Variants in HAO1 observed in about 807,000 individuals in gnomAD.
HAO1 encodes hydroxyacid oxidase 1.
A neutral mutation model predicts 39.7 loss-of-function variants in HAO1; 34 were observed. That is an observed-to-expected ratio of 0.86 (90% CI 0.65 to 1.14). HAO1 has a LOEUF of 1.14. HAO1 is among the 50% of genes most tolerant of loss of function. The probability of loss-of-function intolerance (pLI) is 0.00; values close to 1 mark genes in which losing one functional copy is unlikely to be tolerated. For synonymous variants in HAO1, 172 were observed against 173.2 expected (o/e 0.99, Z 0.05); for missense variants, 479 against 464.5 (o/e 1.03, Z -0.29).
intron 2 of HAO1, among the ~76,000 whole-genome samples, chr20:7,928,698 C>T (rs1224741611): frequency 6.6e-6 from 1 of 151,994 alleles, no homozygotes; most frequent in South Asian, 2.1e-4. Flanking sequence ...AAACATAATC[C>T]TAGAAAGTGA....
chr20:7,890,642 C>T (rs1264388566), intron 5 of HAO1, among the ~76,000 whole-genome samples: 1 of 151,726 alleles, frequency 6.6e-6, no homozygotes, highest in Admixed American at 6.6e-5. Context: ...TTTGGTGCAC[C>T]CATCACCTAA....
chr20:7,920,898 A>T lies in HAO1; in HGVS notation c.290-6479T>A, dbSNP rs142422565. ...CCTCTCAATAAATATCCAGAAGTAG[A>T]ATTTCTGGATCATATGGCAATTCTA... On this transcript the variant is annotated intron_variant, in intron 2 of 7. Transcript: ENST00000378789. Among the ~76,000 whole-genome samples the T allele has an allele frequency of 3.7e-3, 571 of 152,274 alleles. 4 individuals carry two copies. The highest frequency in any genetic ancestry group is 0.014 in the Middle Eastern group (4 of 294).
chr20:7,904,226 T>C (rs990427571), intron 4 of HAO1, among the ~76,000 whole-genome samples: 1 of 152,136 alleles, frequency 6.6e-6, no homozygotes, highest in African/African-American at 2.4e-5. Flanking sequence ...CTCAGTCCCC[T>C]CCCTGCCATT....
At chr20:7,909,383 A>ACATATATATATATATG in intron 3 of HAO1, among the ~76,000 whole-genome samples, 1 of 124,792 alleles carries the variant, frequency 8.0e-6, no homozygotes, top group South Asian at 2.7e-4. Context: ...ATATATGTAT[A>ACATATATATATATATG]TATATATATA....
intron 3 of HAO1, among the ~76,000 whole-genome samples, chr20:7,909,383 A>ATATG (rs1555774044): frequency 0.034 from 4,184 of 124,286 alleles, 108 homozygotes; most frequent in African/African-American, 0.042. Flanking sequence ...ATATATGTAT[A>ATATG]TATATATATA....
At position 7,935,234 on chromosome 20, in the gene HAO1, A is replaced by G. The variant is rs571990268; in HGVS notation, c.138-599T>C. Among the ~76,000 whole-genome samples the G allele has an allele frequency of 6.2e-4, 94 of 152,316 alleles. 1 individual carries two copies. The highest frequency in any genetic ancestry group is 2.1e-3 in the African/African-American group (87 of 41,572). ...TAATATTCCATCATACAGGGGTACTATCATTTGTCCAGTCATTCCCAAGCT... is the reference window on the plus strand; with the variant it reads ...TAATATTCCATCATACAGGGGTACTGTCATTTGTCCAGTCATTCCCAAGCT... On this transcript the variant is annotated intron_variant, in intron 1 of 7. Coordinates refer to ENST00000378789, the MANE Select transcript of HAO1 (RefSeq NM_017545.3).
chr20:7,917,591 G>T (rs1482019512), intron 2 of HAO1, among the ~76,000 whole-genome samples: 2 of 152,154 alleles, frequency 1.3e-5, no homozygotes, highest in African/African-American at 4.8e-5. Context: ...CATTGGGAAG[G>T]CATGGAATCT....
intron 1 of HAO1, among the ~76,000 whole-genome samples, chr20:7,935,458 G>A (rs868318557): frequency 1.3e-5 from 2 of 152,106 alleles, no homozygotes; most frequent in Non-Finnish European, 2.9e-5. Context: ...CTTTTTATGT[G>A]ATAAACAGCA....
chr20:7,936,550 G>GTGTGTGTGTGTGTGTGTGTGTGTGTGTT (rs1292549632), intron 1 of HAO1, among the ~76,000 whole-genome samples: 2 of 141,072 alleles, frequency 1.4e-5, no homozygotes, highest in Admixed American at 6.9e-5. Flanking sequence ...GTGTGTGTTC[G>GTGTGTGTGTGTGTGTGTGTGTGTGTGTT]CGCGCGCGCG....
intron 3 of HAO1, among the ~76,000 whole-genome samples, chr20:7,910,160 A>C (rs2050271590): frequency 6.6e-6 from 1 of 152,232 alleles, no homozygotes; most frequent in Non-Finnish European, 1.5e-5. Context: ...AAAACAGTTA[A>C]GAATCCCTGC....
In HAO1 at chr20:7,890,144, C is replaced by T. The variant is rs147613158; in HGVS notation, c.814-4280G>A. The stretch of plus-strand genomic sequence containing the variant: ...CTTAAATTTGCTCTAAAGTGTGAGG[C>T]AAAACTCAAGCAAGTATCTCCCCTC... On this transcript the variant is annotated intron_variant, in intron 5 of 7. Transcript: ENST00000378789. 3.9e-5 allele frequency among the ~76,000 whole-genome samples: 6 copies of T among 152,158 alleles called. No homozygotes were observed. In the East Asian group the frequency reaches 9.7e-4, roughly 24 times the overall value.
chr20:7,903,413 A>G (rs2050230023), intron 4 of HAO1, among the ~76,000 whole-genome samples: 1 of 152,084 alleles, frequency 6.6e-6, no homozygotes, highest in Non-Finnish European at 1.5e-5. Context: ...TTAGAAACAA[A>G]CCAGAAATCC....
chr20:7,916,056 G>A (rs961545932), intron 2 of HAO1, among the ~76,000 whole-genome samples: 2 of 152,144 alleles, frequency 1.3e-5, no homozygotes, highest in South Asian at 2.1e-4. Context: ...CATTTTGGGG[G>A]GAAAGGTAGC....
intron 4 of HAO1, among the ~76,000 whole-genome samples, chr20:7,904,417 T>TGAA (rs1178580612): frequency 2.6e-5 from 4 of 152,264 alleles, no homozygotes; most frequent in African/African-American, 7.2e-5. Context: ...TCTCAGCCAC[T>TGAA]TTAAAGTCTA....
At chr20:7,892,590 T>C (rs2050179208) in intron 5 of HAO1, among the ~76,000 whole-genome samples, 1 of 152,178 alleles carries the variant, frequency 6.6e-6, no homozygotes. Context: ...TTTGTTCTAC[T>C]CTTTTTCCAG....
chr20:7,897,823 A>T (rs1317974285), intron 4 of HAO1, among the ~76,000 whole-genome samples: 1 of 152,086 alleles, frequency 6.6e-6, no homozygotes. Flanking sequence ...ATGCCTAGTG[A>T]TGCTAAATTT....
intron 4 of HAO1, 42 bp downstream of exon 4, chr20:7,906,112 A>T (rs541506883): frequency 2.2e-6 from 3 of 1,353,786 alleles, no homozygotes; most frequent in South Asian, 2.4e-5. Flanking sequence ...TCCACAAAGG[A>T]TCACAAAGTC....
chr20:7,894,674 A>G (rs1266360069), intron 5 of HAO1, among the ~76,000 whole-genome samples: 2 of 151,934 alleles, frequency 1.3e-5, no homozygotes, highest in Admixed American at 1.3e-4. Context: ...TTCAACCGCC[A>G]CCCCACAGGA....
intron 3 of HAO1, among the ~76,000 whole-genome samples, chr20:7,912,580 TA>T (rs3031711): frequency 0.33 from 48,997 of 147,120 alleles, 8,468 homozygotes; most frequent in East Asian, 0.47. Flanking sequence ...AGAAAGTCTT[TA>T]AAAAAAAAAA....
Sources: allele counts gnomAD v4.1 joint callset (sites outside exome capture counted in the v4.1 genomes callset), GRCh38; gene constraint gnomAD v4.1.1; transcripts MANE v1.5; gene names NCBI Gene and HGNC (gene_info 2026-07-23, HGNC 2026-07-21).